CC2D2A: variants seen among roughly 807,000 people sequenced by gnomAD.
CC2D2A encodes the protein coiled-coil and C2 domain-containing protein 2A.
Under a neutral mutation model 212.9 loss-of-function variants are expected in CC2D2A, and 155 were observed. The observed-to-expected ratio is 0.73, with a 90% CI of 0.64 to 0.83. The LOEUF (loss-of-function observed/expected upper bound fraction) is 0.83, where lower values mean the gene tolerates loss of function less well. Ranked by LOEUF, CC2D2A falls within the 40% of genes least tolerant of loss-of-function variation. CC2D2A has a pLI of 0.00. For synonymous variants in CC2D2A, 667 were observed against 686.5 expected, an observed-to-expected ratio of 0.97 and a Z score of 0.44; for missense variants, 1,856 against 1,956.2, an observed-to-expected ratio of 0.95 and a Z score of 0.97.
chr4:15,535,791 A>C (rs1334664887), intron 14 of CC2D2A, among the ~76,000 whole-genome samples: 1 of 152,128 alleles, frequency 6.6e-6, no homozygotes, highest in Admixed American at 6.5e-5. Context: ...AGCTTTATGC[A>C]CTTGTCTAAG....
chr4:15,530,225 C>A (rs1294935253), intron 13 of CC2D2A, among the ~76,000 whole-genome samples: 1 of 152,170 alleles, frequency 6.6e-6, no homozygotes, highest in African/African-American at 2.4e-5. Flanking sequence ...CCCGCCTTGG[C>A]CTCCCAAAGT....
At position 15,553,153 on chromosome 4, in the gene CC2D2A, C is replaced by T. The variant is rs764424309; in HGVS notation, c.2339-5C>T. 3 of 1,593,378 alleles carry T rather than the reference C, an allele frequency of 1.9e-6. No individual in the cohort carries two copies. Among genetic ancestry groups the T allele is most frequent in the Non-Finnish European group, 2.6e-6 (3 of 1,172,484 alleles). ...AGCATCCTGTTTAATCTGGTGTTTC[C>T]CCAGGAGTGCCCTTCTCATTTGAAG... is the stretch of plus-strand genomic sequence containing the variant. On this transcript the variant is annotated splice_region_variant and splice_polypyrimidine_tract_variant and intron_variant, in intron 18 of 36. Coordinates refer to ENST00000424120, the MANE Select transcript of CC2D2A (RefSeq NM_001378615.1).
At chr4:15,576,423 C>T (rs544340882) in intron 29 of CC2D2A, 1 of 970,518 alleles carries the variant, frequency 1.0e-6, no homozygotes, top group Admixed American at 6.2e-5. Flanking sequence ...TGGAACCATT[C>T]CATAGGATGT....
chr4:15,513,078 A>C (rs963437565), intron 8 of CC2D2A, among the ~76,000 whole-genome samples: 1 of 152,202 alleles, frequency 6.6e-6, no homozygotes, highest in Non-Finnish European at 1.5e-5. Flanking sequence ...CTTCACTTAC[A>C]ATCTCCTCCC....
chr4:15,579,986 G>C lies in CC2D2A; in HGVS notation c.3790G>C (p.Glu1264Gln). The change falls in exon 30 of 37, where the codon GAG becomes CAG. Residue 1264 changes from glutamate to glutamine, a missense_variant. Transcript: ENST00000424120. ...TTTGAAGTTTGAGTCTCAGGAAGAT[G>C]AGAAATTACTTCAAGCAACTGAGAA... is the stretch of plus-strand genomic sequence containing the variant. ...IREKFESQEDEKLLQATEKFQ... is the reference protein window; with the variant it reads ...IREKFESQEDQKLLQATEKFQ... 6.2e-7 allele frequency: 1 copy of C among 1,613,334 alleles called. No homozygotes were observed. The highest frequency in any genetic ancestry group is 1.1e-5 in the South Asian group (1 of 91,048).
At chr4:15,555,765 TATCTGGGCACACA>T (rs1256924142) in intron 20 of CC2D2A, among the ~76,000 whole-genome samples, 2 of 152,110 alleles carry the variant, frequency 1.3e-5, no homozygotes, top group African/African-American at 4.8e-5. Context: ...AAAACCCCTT[TATCTGGGCACACA>T]ATTTGTGAGC....
intron 14 of CC2D2A, among the ~76,000 whole-genome samples, chr4:15,534,891 T>C (rs1193199239): frequency 1.3e-5 from 2 of 151,594 alleles, no homozygotes; most frequent in African/African-American, 2.4e-5. Context: ...TTAATGTTGG[T>C]TAACAATAGT....
In CC2D2A at chr4:15,599,531, T is replaced by C. The variant is rs1178985125; in HGVS notation, c.4499T>C (p.Ile1500Thr). ...KAAAAELQDRIEKILKEKIMD... is the reference protein window; with the variant it reads ...KAAAAELQDRTEKILKEKIMD... ...TGGAATTTATGTTTTGTGAACAGGA[T>C]TGAAAAAATACTAAAAGAAAAAATC... Residue 1500 changes from isoleucine (I) to threonine (T), a missense_variant and splice_region_variant, in exon 36 of 37, where the codon ATT becomes ACT. By Grantham distance (89) the Ile-to-Thr change is moderately conservative. This residue lies in a region of CC2D2A where 285 missense variants were observed against 278.4 expected (regional missense o/e 1.02). Transcript: ENST00000424120. The C allele has an allele frequency of 1.9e-6, 3 of 1,551,312 alleles. No individual in the cohort carries two copies. Among genetic ancestry groups the C allele is most frequent in the South Asian group, 1.2e-5 (1 of 81,876 alleles).
At chr4:15,574,654 T>C (rs1337656437) in intron 29 of CC2D2A, among the ~76,000 whole-genome samples, 3 of 152,194 alleles carry the variant, frequency 2.0e-5, no homozygotes, top group Non-Finnish European at 2.9e-5. Context: ...AAATGAAATA[T>C]CACAAACTAG....
chr4:15,478,376 TA>T (rs1714381037), intron 2 of CC2D2A, among the ~76,000 whole-genome samples: 1 of 152,214 alleles, frequency 6.6e-6, no homozygotes, highest in Admixed American at 6.5e-5. Flanking sequence ...TCTTAGATTG[TA>T]ACTTTTAAGA....
intron 4 of CC2D2A, among the ~76,000 whole-genome samples, chr4:15,493,875 A>C (rs1424469128): frequency 6.6e-6 from 1 of 152,200 alleles, no homozygotes; most frequent in African/African-American, 2.4e-5. Context: ...GAGTTTGTAG[A>C]ATACTAGTAT....
chr4:15,471,154 A>G (rs1713787176), intron 1 of CC2D2A, among the ~76,000 whole-genome samples: 1 of 152,214 alleles, frequency 6.6e-6, no homozygotes, highest in South Asian at 2.1e-4. Context: ...GTAGAATAAG[A>G]TAATGTATTC....
chr4:15,487,033 G>T (rs897574403), intron 4 of CC2D2A, among the ~76,000 whole-genome samples: 5 of 151,816 alleles, frequency 3.3e-5, no homozygotes, highest in Admixed American at 6.6e-5. Context: ...CAACTTTTTT[G>T]AATTTTTTGA....
chr4:15,482,187 G>A lies in CC2D2A; in HGVS notation c.247+1360G>A, dbSNP rs1272841023. Reference sequence around the variant, plus strand: ...TGGAAGCAAGTAGACTCTTAGATTGGAAAAATGTGGTTCTAATCTAAAAGC... The same window carrying A: ...TGGAAGCAAGTAGACTCTTAGATTGAAAAAATGTGGTTCTAATCTAAAAGC... On this transcript the variant is annotated intron_variant, in intron 4 of 36. Coordinates refer to ENST00000424120, the MANE Select transcript of CC2D2A (RefSeq NM_001378615.1). 3 of 985,236 alleles carry A rather than the reference G, an allele frequency of 3.0e-6. No homozygotes were observed. The African/African-American group carries it at 5.2e-5, about 17-fold the overall frequency. The allele number at this position is 985,236 out of a possible 1,614,324, so 61.0% of individuals were successfully genotyped here.
chr4:15,503,225 C>T (rs1484927471), intron 6 of CC2D2A, among the ~76,000 whole-genome samples: 2 of 152,078 alleles, frequency 1.3e-5, no homozygotes, highest in African/African-American at 4.8e-5. Flanking sequence ...ATCACTTAGG[C>T]CCAGGAGTTC....
intron 4 of CC2D2A, among the ~76,000 whole-genome samples, chr4:15,489,758 A>G (rs1715198998): frequency 6.6e-6 from 1 of 152,162 alleles, no homozygotes; most frequent in Non-Finnish European, 1.5e-5. Context: ...GCTAAATTCA[A>G]TAGTCAGTTC....
At chr4:15,545,827 G>A (rs1577364486) in intron 17 of CC2D2A, among the ~76,000 whole-genome samples, 1 of 152,150 alleles carries the variant, frequency 6.6e-6, no homozygotes, top group East Asian at 1.9e-4. Context: ...ATCAGAGTTG[G>A]GCCAGGCACA....
intron 2 of CC2D2A, among the ~76,000 whole-genome samples, chr4:15,478,077 T>G (rs1714350727): frequency 1.3e-5 from 2 of 152,214 alleles, no homozygotes. Flanking sequence ...ACTAAAACAT[T>G]TTAGAGCTCG....
At chr4:15,517,937 G>C (rs920408489) in intron 11 of CC2D2A, among the ~76,000 whole-genome samples, 1 of 152,104 alleles carries the variant, frequency 6.6e-6, no homozygotes, top group Non-Finnish European at 1.5e-5. Flanking sequence ...ATCAGATCTT[G>C]TGAAACTCAT....
Sources: gnomAD v4.1 joint callset for allele counts (sites outside exome capture counted in the v4.1 genomes callset) on GRCh38, gnomAD v4.1.1 for gene constraint, gnomAD v4.1.1 regional missense constraint, MANE v1.5 for transcripts, NCBI Gene and HGNC (gene_info 2026-07-23, HGNC 2026-07-21) for gene names.